SELENON: variants seen among roughly 807,000 people sequenced by gnomAD.
SELENON encodes selenoprotein N, 1.
Under a neutral mutation model 59.5 loss-of-function variants are expected in SELENON, and 44 were observed. The ratio of observed to expected loss-of-function variants is 0.74; its 90% CI spans 0.58 to 0.95. The LOEUF is 0.95. Among genes scored for constraint, SELENON ranks in the 40% least tolerant of loss-of-function variants. The pLI, the probability that SELENON is intolerant of heterozygous loss-of-function variation, is 0.00. For synonymous variants in SELENON, 320 were observed against 305.6 expected, an observed-to-expected ratio of 1.05 and a Z score of -0.49; for missense variants, 674 against 721.4, an observed-to-expected ratio of 0.93 and a Z score of 0.75.
intron 7 of SELENON, 50 bp downstream of exon 6, chr1:25,809,870 TGCTCCCC>T (rs755613188): frequency 2.5e-6 from 4 of 1,605,604 alleles, no homozygotes; most frequent in Middle Eastern, 1.6e-4. Flanking sequence ...CAGCTTGTCC[TGCTCCCC>T]AGCTCCAGGA....
At chr1:25,800,967 C>T (rs1373537566) in intron 1 of SELENON, 76 bp from the exon 2 acceptor site, 15 of 1,154,170 alleles carry the variant, frequency 1.3e-5, no homozygotes, top group East Asian at 9.4e-5. Flanking sequence ...GGGCTCCATG[C>T]GGAAGCAACT....
At chr1:25,804,932 T>A (rs1381949894) in intron 3 of SELENON, among the ~76,000 whole-genome samples, 1 of 152,154 alleles carries the variant, frequency 6.6e-6, no homozygotes, top group African/African-American at 2.4e-5. Flanking sequence ...TTCTCATTTG[T>A]CAAATGGAGT....
At chr1:25,813,580 G>A (rs532700224) in intron 10 of SELENON, 44 of 469,234 alleles carry the variant, frequency 9.4e-5, no homozygotes, top group African/African-American at 7.3e-4. Context: ...TCCAGGTAGA[G>A]GAACAGCCTG....
Position 25,801,160 on chromosome 1 carries a change from G to C in SELENON, c.301G>C (p.Gly101Arg). 6.2e-7 allele frequency: 1 copy of C among 1,612,266 alleles called. No homozygotes were observed. The highest frequency in any genetic ancestry group is 8.5e-7 in the Non-Finnish European group (1 of 1,178,298). Residue 101 changes from glycine (G) to arginine (R), a missense_variant and splice_region_variant, in exon 2 of 13, where the codon GGG becomes CGG. Gly to Arg is a moderately radical substitution (Grantham distance 125). Coordinates refer to ENST00000361547, the MANE Select transcript of SELENON (RefSeq NM_020451.3). ...CAAACCCATTGCTGAGAAGCTAACA[G>C]GTACCAGGAGAGACTGGCGGCTGGG...
Position 25,812,737 on chromosome 1 carries a change from C to A in SELENON, c.1332C>A (p.Asn444Lys), listed in dbSNP as rs1202847006. The A allele has an allele frequency of 6.2e-7, 1 of 1,613,518 alleles. No homozygotes were observed. Among genetic ancestry groups the A allele is most frequent in the Non-Finnish European group, 8.5e-7 (1 of 1,179,928 alleles). ...CCTTCGACCGAGCCAAGGCTGAGAA[C>A]AAGCTGGTGCACTCAATCCTGCTGT... is the stretch of plus-strand genomic sequence containing the variant. Residue 444 changes from asparagine (N) to lysine (K), a missense_variant, in exon 10 of 13, where the codon AAC (asparagine) becomes AAA (lysine). By Grantham distance (94) the Asn-to-Lys change is moderately conservative. Coordinates refer to ENST00000361547, the MANE Select transcript of SELENON (RefSeq NM_020451.3).
intron 3 of SELENON, 71 bp from the exon 3 acceptor site, chr1:25,805,071 G>T: frequency 6.2e-7 from 1 of 1,600,548 alleles, no homozygotes; most frequent in Non-Finnish European, 8.5e-7. Flanking sequence ...TCACCAGCTA[G>T]TGTGGATGAT....
chr1:25,816,787 A>T lies in SELENON; in HGVS notation c.*1069A>T, dbSNP rs1406469690. The T allele has an allele frequency of 6.6e-6, 1 of 152,652 alleles. No individual in the cohort carries two copies. The highest frequency in any genetic ancestry group is 1.5e-5 in the Non-Finnish European group (1 of 68,066). The allele number at this position is 152,652 out of a possible 1,614,324, so 9.5% of individuals were successfully genotyped here. On this transcript the variant is annotated 3_prime_UTR_variant, in exon 13 of 13. Transcript: ENST00000361547. The stretch of plus-strand genomic sequence containing the variant: ...TTTTTTTATAACCCCAGTGCTGAGG[A>T]GAAAGGAGGGGCAGTGGCTTCCCCG...
At chr1:25,814,246 G>T in intron 12 of SELENON, 68 bp downstream of exon 11, 1 of 1,163,522 alleles carries the variant, frequency 8.6e-7, no homozygotes, top group Non-Finnish European at 1.3e-6. Context: ...CCAGCAGGAG[G>T]CGTGGATGTG....
chr1:25,805,632 TATGATGATTATTTCCCACAC>T (rs891888777), intron 4 of SELENON, among the ~76,000 whole-genome samples: 2 of 143,740 alleles, frequency 1.4e-5, no homozygotes, highest in African/African-American at 6.0e-5. Flanking sequence ...CCCCACATAC[TATGATGATTATTTCCCACAC>T]ACTATGATGA....
chr1:25,800,825 AG>A (rs1473966662), intron 1 of SELENON, among the ~76,000 whole-genome samples: 25 of 151,882 alleles, frequency 1.6e-4, no homozygotes, highest in South Asian at 4.2e-4. Flanking sequence ...ACAAACTGGG[AG>A]GGGGCAGTCG....
Position 25,809,129 on chromosome 1 carries a change from TCTA to T in SELENON, c.856_858del (p.Tyr286del). On this transcript the variant is annotated inframe_deletion, in exon 6 of 13. Coordinates refer to ENST00000361547, the MANE Select transcript of SELENON (RefSeq NM_020451.3). ...GCCTGCCTGACTGCCATCAGCGACT[TCTA>T]CTACACTGTGATGTTCCGGTGAGTG... The T allele has an allele frequency of 1.2e-6, 2 of 1,613,770 alleles. No individual in the cohort carries two copies. The highest frequency in any genetic ancestry group is 1.7e-6 in the Non-Finnish European group (2 of 1,180,014).
At chr1:25,815,510 C>T in intron 12 of SELENON, 38 bp from the exon 12 acceptor site, 1 of 1,605,878 alleles carries the variant, frequency 6.2e-7, no homozygotes, top group Non-Finnish European at 8.5e-7. Flanking sequence ...CTGGGGGCCC[C>T]CCTCCGCCCC....
intron 12 of SELENON, 99 bp downstream of exon 11, chr1:25,814,277 G>T: frequency 1.1e-6 from 1 of 879,390 alleles, no homozygotes; most frequent in Non-Finnish European, 1.8e-6. Context: ...CAGGCTTCGG[G>T]ACTGTCCCTG....
chr1:25,815,926 C>T lies in SELENON; in HGVS notation c.*208C>T, dbSNP rs1395326312. 3.6e-5 allele frequency: 21 copies of T among 584,372 alleles called. No homozygotes were observed. Among genetic ancestry groups the T allele is most frequent in the Non-Finnish European group, 6.4e-5 (21 of 327,160 alleles). The allele number at this position is 584,372 out of a possible 1,614,324, so 36.2% of individuals were successfully genotyped here. A position where few individuals can be genotyped will look rare whatever the true frequency, so the allele number is the denominator to read the frequency against. On this transcript the variant is annotated 3_prime_UTR_variant, in exon 13 of 13. Transcript: ENST00000361547. Reference sequence around the variant, plus strand: ...GCCTGGGCTGACTGGGCAGAGGAACCTCTAGCTCTGACTGTCACTCGGCTC... The same window carrying T: ...GCCTGGGCTGACTGGGCAGAGGAACTTCTAGCTCTGACTGTCACTCGGCTC...
At position 25,812,701 on chromosome 1, in the gene SELENON, G is replaced by A. The variant is rs751706608; in HGVS notation, c.1296G>A (p.Pro432=). 1.5e-5 allele frequency: 24 copies of A among 1,611,580 alleles called. No individual in the cohort carries two copies. Among genetic ancestry groups the A allele is most frequent in the African/African-American group, 9.4e-5 (7 of 74,774 alleles). Residue 432 remains proline (P), a synonymous_variant, in exon 10 of 13, where the codon CCG becomes CCA. Transcript: ENST00000361547. ...TGTGGCCCCAGGTCTCCTACTTGCC[G>A]TTCACTGAGGCCTTCGACCGAGCCA...
intron 12 of SELENON, 113 bp downstream of exon 11, chr1:25,814,291 C>T: frequency 1.3e-6 from 1 of 799,968 alleles, no homozygotes; most frequent in Non-Finnish European, 2.1e-6. Context: ...GTCCCTGCCA[C>T]TTCCTGGCTG....
chr1:25,803,876 C>T (rs540487914), intron 3 of SELENON, among the ~76,000 whole-genome samples: 99 of 152,046 alleles, frequency 6.5e-4, no homozygotes, highest in Admixed American at 5.2e-3. Flanking sequence ...CTAATTTTGG[C>T]ATTTTTAGTA....
intron 2 of SELENON, among the ~76,000 whole-genome samples, chr1:25,801,705 C>T (rs952984224): frequency 6.6e-6 from 1 of 152,144 alleles, no homozygotes; most frequent in Non-Finnish European, 1.5e-5. Flanking sequence ...AAAACCATTC[C>T]TTGGCCACCT....
At chr1:25,811,927 G>A in intron 9 of SELENON, 48 bp downstream of exon 8, 3 of 1,534,230 alleles carry the variant, frequency 2.0e-6, no homozygotes, top group Non-Finnish European at 1.8e-6. Context: ...CATGGGCAGA[G>A]GCTGGGAGCT....
Sources: allele counts gnomAD v4.1 joint callset (sites outside exome capture counted in the v4.1 genomes callset), GRCh38; gene constraint gnomAD v4.1.1; transcripts MANE v1.5; gene names NCBI Gene and HGNC (gene_info 2026-07-23, HGNC 2026-07-21).